EGLN2: variants seen among roughly 807,000 people sequenced by gnomAD.
EGLN2 encodes the protein egl-9 family hypoxia inducible factor 2.
EGLN2 carries 15 observed loss-of-function variants against 38.2 expected under a neutral mutation model. The observed-to-expected ratio is 0.39, with a 90% confidence interval of 0.26 to 0.60. The LOEUF is 0.60. EGLN2 is among the 20% of genes least tolerant of loss of function. EGLN2 has a pLI of 0.50. For missense variants in EGLN2, 492 were observed against 570.4 expected (o/e 0.86, Z 1.40); for synonymous variants, 284 against 237.4 (o/e 1.20, Z -1.81).
Position 40,801,232 on chromosome 19 carries a change from A to G in EGLN2, c.660A>G (p.Arg220=), listed in dbSNP as rs771579207. The part of the protein sequence containing the change: ...VEALKRGGRL[R]DGQLVSQRAI... ...CCCTCAAACGGGGTGGGCGCCTGCG[A>G]GACGGGCAGCTAGTGAGCCAGAGGG... The change falls in exon 2 of 6, where the codon CGA becomes CGG. Residue 220 remains arginine (R), a synonymous_variant. Transcript: ENST00000303961. 4.6e-5 allele frequency: 74 copies of G among 1,612,588 alleles called. No homozygotes were observed. Among genetic ancestry groups the G allele is most frequent in the Non-Finnish European group, 6.3e-5 (74 of 1,179,928 alleles).
chr19:40,803,573 A>T (rs1488329946), intron 2 of EGLN2, among the ~76,000 whole-genome samples: 3 of 152,120 alleles, frequency 2.0e-5, no homozygotes, highest in Non-Finnish European at 4.4e-5. Flanking sequence ...CCGTGGGGAC[A>T]TGGATCACCA....
At chr19:40,804,405 TGTG>T (rs1469278101) in intron 2 of EGLN2, 1 of 152,490 alleles carries the variant, frequency 6.6e-6, no homozygotes, top group Non-Finnish European at 1.5e-5. Context: ...GCTGAGGCCT[TGTG>T]GTGGCGATGA....
rs1287659025 is a variant in EGLN2, at chr19:40,807,888, C to T, written c.*24C>T. On this transcript the variant is annotated 3_prime_UTR_variant, in exon 6 of 6. Transcript: ENST00000303961. ...AGTGGCCAGTCCCAGAGCCGCATGG[C>T]AGACAGCTTAAATGACTTCAGGAGA... is the stretch of plus-strand genomic sequence containing the variant. 1 of 1,612,636 alleles carries T rather than the reference C, an allele frequency of 6.2e-7. No individual in the cohort carries two copies. The highest frequency in any genetic ancestry group is 1.1e-5 in the South Asian group (1 of 90,966).
rs557609522 is a variant in EGLN2 at position 40,807,179 on chromosome 19, C to T, written c.1005C>T (p.Pro335=). The change falls in exon 4 of 6, where the codon CCC becomes CCT. Residue 335 remains proline (P), a synonymous_variant. Coordinates refer to ENST00000303961, the MANE Select transcript of EGLN2 (RefSeq NM_080732.4). Reference sequence around the variant, plus strand: ...TGCAGATCTTCCCTGAGGGCCGGCCCGTGGTAGCCAACATCGAGCCACTCT... The same window carrying T: ...TGCAGATCTTCCCTGAGGGCCGGCCTGTGGTAGCCAACATCGAGCCACTCT... The part of the protein sequence containing the change: ...GLLQIFPEGR[P]VVANIEPLFD... 5.0e-6 allele frequency: 8 copies of T among 1,614,156 alleles called. No homozygotes were observed. Among genetic ancestry groups the T allele is most frequent in the African/African-American group, 2.7e-5 (2 of 75,046 alleles).
In EGLN2 at chr19:40,800,535, G is replaced by A. The variant is rs377257073; in HGVS notation, c.-38G>A. ...GGAGGGTGGCACCATGGGCCCGGGC[G>A]GTGCCCTCCATGCCCGGGGGATGAA... On this transcript the variant is annotated 5_prime_UTR_variant, in exon 2 of 6. Transcript: ENST00000303961. 27 of 1,534,748 alleles carry A rather than the reference G, an allele frequency of 1.8e-5. No individual in the cohort carries two copies. The highest frequency in any genetic ancestry group is 2.5e-5 in the South Asian group (2 of 81,390).
chr19:40,804,049 C>T (rs1230355480), intron 2 of EGLN2: 1 of 152,152 alleles, frequency 6.6e-6, no homozygotes, highest in Admixed American at 6.6e-5. Flanking sequence ...AGGGTGGGGC[C>T]CTAAAGAGCA....
intron 2 of EGLN2, chr19:40,804,385 C>T (rs143350266): frequency 6.6e-6 from 1 of 152,534 alleles, no homozygotes. Flanking sequence ...GAAGAGTGTC[C>T]CAGGCCAGTG....
At chr19:40,807,710 G>T (rs2083315812) in intron 5 of EGLN2, 99 bp from the exon 6 acceptor site, 8 of 1,445,904 alleles carry the variant, frequency 5.5e-6, no homozygotes, top group Non-Finnish European at 5.8e-6. Context: ...CCCAACAGGA[G>T]CCCCATTTCT....
intron 1 of EGLN2, 110 bp downstream of exon 1, chr19:40,799,372 A>G (rs1187404898): frequency 8.4e-6 from 1 of 119,440 alleles, no homozygotes; most frequent in Non-Finnish European, 1.8e-5. Flanking sequence ...TGCCGGGGCG[A>G]CCCCGGGAAG....
intron 2 of EGLN2, chr19:40,805,464 A>G (rs2083294448): frequency 6.6e-6 from 1 of 152,208 alleles, no homozygotes; most frequent in Non-Finnish European, 1.5e-5. Context: ...GTTCCACAAC[A>G]ACCTGTGAAA....
rs985717619 is a variant in EGLN2 at position 40,803,825 on chromosome 19, T to G, written c.843+2410T>G. On this transcript the variant is annotated intron_variant, in intron 2 of 5. Transcript: ENST00000303961. ...GACAGTCACAGGCTTCTGACTGGGG[T>G]GTGTGTGTAGTGGGGGTGGGGCTCT... Among the ~76,000 whole-genome samples, 6 of 151,570 alleles carry G rather than the reference T, an allele frequency of 4.0e-5. No individual in the cohort carries two copies. In the East Asian group the frequency reaches 7.8e-4, roughly 20 times the overall value.
Position 40,800,668 on chromosome 19 carries a change from CAGGATGGGAG to C in EGLN2, c.97_106del (p.Arg33TrpfsTer115), listed in dbSNP as rs1426080169. The C allele has an allele frequency of 6.2e-7, 1 of 1,613,922 alleles. No individual in the cohort carries two copies. Among genetic ancestry groups the C allele is most frequent in the African/African-American group, 1.3e-5 (1 of 74,924 alleles). ...CCTTGGAGCCTGAGCCTGGCCGGGC[CAGGATGGGAG>C]TGGAGAGTTACCTGCCCTGTCCCCT... On this transcript the variant is annotated frameshift_variant, in exon 2 of 6. Transcript: ENST00000303961. LOFTEE classifies it high-confidence loss of function.
intron 3 of EGLN2, 160 bp from the exon 4 acceptor site, chr19:40,806,978 T>C (rs369237847): frequency 3.8e-4 from 447 of 1,164,702 alleles, no homozygotes; most frequent in Non-Finnish European, 5.0e-4. Context: ...CCCATCTCCA[T>C]GGTGATGCAG....
In EGLN2 at chr19:40,806,901, T is replaced by G. The variant is rs892024458; in HGVS notation, c.963+227T>G. On this transcript the variant is annotated intron_variant, in intron 3 of 5. Transcript: ENST00000303961. The stretch of plus-strand genomic sequence containing the variant: ...TCCCCTCTTTCCGGGAATGGTGCTG[T>G]CTGCCCAGCCCCACCCGGCCTTGTA... The G allele has an allele frequency of 1.8e-5, 16 of 909,022 alleles. No homozygotes were observed. The South Asian group carries it at 2.6e-4, about 15-fold the overall frequency. The allele number at this position is 909,022 out of a possible 1,614,324, so 56.3% of individuals were successfully genotyped here.
chr19:40,803,903 G>A (rs1457152338), intron 2 of EGLN2, among the ~76,000 whole-genome samples: 1 of 152,058 alleles, frequency 6.6e-6, no homozygotes, highest in Non-Finnish European at 1.5e-5. Flanking sequence ...CCTGGCCCTG[G>A]TCCCACCTGT....
chr19:40,802,661 C>T (rs2083271060), intron 2 of EGLN2, among the ~76,000 whole-genome samples: 1 of 152,238 alleles, frequency 6.6e-6, no homozygotes, highest in Admixed American at 6.5e-5. Flanking sequence ...AGGAGCCCAG[C>T]ACAGGACAGT....
chr19:40,804,315 G>A (rs1434335706), intron 2 of EGLN2: 1 of 152,396 alleles, frequency 6.6e-6, no homozygotes, highest in Non-Finnish European at 1.5e-5. Flanking sequence ...CGGACAATCA[G>A]CCGGAGTACT....
chr19:40,808,068 T>C lies in EGLN2; in HGVS notation c.*204T>C. ...CATCATGGGGGCTGGGGTTGTCACC[T>C]GGACAGGGGGCAGCCGTGGAGGCCA... On this transcript the variant is annotated 3_prime_UTR_variant, in exon 6 of 6. Coordinates refer to ENST00000303961, the MANE Select transcript of EGLN2 (RefSeq NM_080732.4). 3 of 616,232 alleles carry C rather than the reference T, an allele frequency of 4.9e-6. No individual in the cohort carries two copies. Among genetic ancestry groups the C allele is most frequent in the Non-Finnish European group, 8.5e-6 (3 of 351,266 alleles). The allele number at this position is 616,232 out of a possible 1,614,324, so 38.2% of individuals were successfully genotyped here. A position where few individuals can be genotyped will look rare whatever the true frequency, so the allele number is the denominator to read the frequency against.
chr19:40,801,664 T>A (rs2083260530), intron 2 of EGLN2, among the ~76,000 whole-genome samples: 1 of 149,890 alleles, frequency 6.7e-6, no homozygotes, highest in African/African-American at 2.4e-5. Flanking sequence ...TTTTTTTTTT[T>A]TTTTTTTTTC....
Sources: allele counts gnomAD v4.1 joint callset (sites outside exome capture counted in the v4.1 genomes callset), GRCh38; gene constraint gnomAD v4.1.1; transcripts MANE v1.5; gene names NCBI Gene and HGNC (gene_info 2026-07-23, HGNC 2026-07-21).